The following NSD3 variants were observed in gnomAD, a reference collection of about 807,000 sequenced individuals.
NSD3 encodes the protein histone-lysine N-methyltransferase NSD3.
A neutral mutation model predicts 160.8 loss-of-function variants in NSD3; 24 were observed. The observed-to-expected ratio is 0.15, with a 90% CI of 0.11 to 0.21. The LOEUF (loss-of-function observed/expected upper bound fraction) is 0.21, where lower values mean the gene tolerates loss of function less well. Ranked by LOEUF, NSD3 falls within the 10% of genes least tolerant of loss-of-function variation. The pLI is 1.00. For missense variants in NSD3, 1,157 were observed against 1,735.9 expected (o/e 0.67, Z 5.93); for synonymous variants, 520 against 600.0 (o/e 0.87, Z 1.95).
At chr8:38,328,531 C>T (rs2150374968) in intron 6 of NSD3, among the ~76,000 whole-genome samples, 1 of 152,284 alleles carries the variant, frequency 6.6e-6, no homozygotes, top group South Asian at 2.1e-4. Context: ...GCACCCTTGA[C>T]ATTTCTCTAG....
In NSD3 at chr8:38,323,131, T is replaced by C. The variant is rs536590405; in HGVS notation, c.1709-1959A>G. On this transcript the variant is annotated intron_variant, in intron 7 of 23. Transcript: ENST00000317025. Reference sequence around the variant, plus strand: ...GTGCAATGGCGCGATCTTGGCTCACTGCAACCTCCGCCTCCAGGGTTCAAG... The same window carrying C: ...GTGCAATGGCGCGATCTTGGCTCACCGCAACCTCCGCCTCCAGGGTTCAAG... Among the ~76,000 whole-genome samples the C allele has an allele frequency of 7.5e-4, 114 of 152,324 alleles. 1 individual carries two copies. The highest frequency in any genetic ancestry group is 2.7e-3 in the African/African-American group (114 of 41,578).
intron 1 of NSD3, among the ~76,000 whole-genome samples, chr8:38,357,293 T>C (rs932909758): frequency 2.0e-5 from 3 of 152,106 alleles, no homozygotes; most frequent in Non-Finnish European, 4.4e-5. Context: ...AACACTCTAT[T>C]GATTAAAATC....
At chr8:38,333,663 C>T (rs920580294) in intron 4 of NSD3, among the ~76,000 whole-genome samples, 5 of 151,198 alleles carry the variant, frequency 3.3e-5, no homozygotes, top group South Asian at 2.1e-4. Context: ...GTCAGGAGAT[C>T]GAGACCATCC....
At chr8:38,371,150 C>T (rs1235410704) in intron 1 of NSD3, among the ~76,000 whole-genome samples, 3 of 151,352 alleles carry the variant, frequency 2.0e-5, no homozygotes, top group Non-Finnish European at 4.4e-5. Context: ...ATGCACAATT[C>T]CAACTATGTA....
Position 38,329,374 on chromosome 8 carries a change from G to T in NSD3, c.1581+4C>A, listed in dbSNP as rs1050740667. The T allele has an allele frequency of 1.9e-6, 3 of 1,602,832 alleles. No individual in the cohort carries two copies. The highest frequency in any genetic ancestry group is 2.7e-5 in the African/African-American group (2 of 74,504). ...CCAAAAAACTCCACGAAAAAAGGAG[G>T]TACCTTTGTTGAATAAACAAATTGA... On this transcript the variant is annotated splice_donor_region_variant and intron_variant, in intron 6 of 23. Transcript: ENST00000317025. The surrounding 1 kb of genome is among the most constrained non-coding windows in gnomAD (Gnocchi z 4.8).
chr8:38,376,984 ATACT>A (rs1402214746), intron 1 of NSD3, among the ~76,000 whole-genome samples: 2 of 152,198 alleles, frequency 1.3e-5, no homozygotes, highest in Non-Finnish European at 2.9e-5. Context: ...AAACAATGAA[ATACT>A]TACAAGACTC....
chr8:38,324,814 A>C (rs756285079), intron 7 of NSD3, among the ~76,000 whole-genome samples: 11 of 152,132 alleles, frequency 7.2e-5, no homozygotes, highest in Non-Finnish European at 1.6e-4. Flanking sequence ...TTAATAATTG[A>C]TCATGCCTAC....
chr8:38,320,848 G>C (rs1809782561), intron 8 of NSD3: 1 of 382,174 alleles, frequency 2.6e-6, no homozygotes, highest in Admixed American at 4.5e-5. Context: ...TGCACCACTG[G>C]CTTCCCATCT....
At chr8:38,278,503 A>G in intron 21 of NSD3, 91 bp from the exon 22 acceptor site, 2 of 1,107,208 alleles carry the variant, frequency 1.8e-6, no homozygotes, top group Non-Finnish European at 2.5e-6. Context: ...AAAAAGAGAC[A>G]TCATTTTGGC....
rs1810580564 is a variant in NSD3 at position 38,348,115 on chromosome 8, T to C, written c.57A>G (p.Pro19=). The C allele has an allele frequency of 6.2e-7, 1 of 1,612,866 alleles. No homozygotes were observed. Among genetic ancestry groups the C allele is most frequent in the South Asian group, 1.1e-5 (1 of 90,876 alleles). Residue 19 remains proline, a synonymous_variant, in exon 2 of 24, where the codon CCA becomes CCG. Transcript: ENST00000317025. The part of the protein sequence containing the change: ...QGIMGNTIQQ[P]PQLIDSANIR... The stretch of plus-strand genomic sequence containing the variant: ...TGTTGGCGGAGTCAATGAGTTGAGG[T>C]GGTTGCTGAATTGTGTTTCCCATGA...
At chr8:38,284,165 A>C (rs916015798) in intron 19 of NSD3, among the ~76,000 whole-genome samples, 3 of 152,082 alleles carry the variant, frequency 2.0e-5, no homozygotes, top group African/African-American at 7.2e-5. Context: ...AATTTCCTTC[A>C]CTTTTTCCTT....
intron 16 of NSD3, among the ~76,000 whole-genome samples, chr8:38,293,473 C>A (rs1169932379): frequency 6.6e-6 from 1 of 151,318 alleles, no homozygotes; most frequent in African/African-American, 2.4e-5. Context: ...TTGCTTGAAT[C>A]CAGCAGGCAG....
rs1229193846 is a variant in NSD3, at chr8:38,299,456, T to C, written c.2746A>G (p.Lys916Glu). The C allele has an allele frequency of 3.7e-6, 6 of 1,609,956 alleles. No homozygotes were observed. The highest frequency in any genetic ancestry group is 5.1e-6 in the Non-Finnish European group (6 of 1,179,012). The change falls in exon 15 of 24, where the codon AAA becomes GAA. Residue 916 changes from lysine to glutamate, a missense_variant. By Grantham distance (56) the Lys-to-Glu change is moderately conservative. Around this residue, in one of 10 missense-constraint regions of NSD3, gnomAD observed 437 missense variants for 576.6 expected, o/e 0.76. Transcript: ENST00000317025. ...TTTTGATTATTACCTTTCTCACATT[T>C]CTTTTTGGAAGCTGACGAAGAAGGA... ...MIPSSSASKK[K>E]CEKGGRLLCC...
At chr8:38,281,405 A>G (rs1808729495) in intron 20 of NSD3, 62 bp downstream of exon 20, 1 of 865,678 alleles carries the variant, frequency 1.2e-6, no homozygotes, top group South Asian at 2.4e-5. Flanking sequence ...GTTCAAATTA[A>G]GACTATGAAA....
At chr8:38,292,758 C>T (rs950423825) in intron 16 of NSD3, among the ~76,000 whole-genome samples, 1 of 152,118 alleles carries the variant, frequency 6.6e-6, no homozygotes, top group African/African-American at 2.4e-5. Flanking sequence ...CACTGTACTC[C>T]AGCCTGGGCA....
Position 38,329,180 on chromosome 8 carries a change from C to T in NSD3, c.1581+198G>A, listed in dbSNP as rs2150375232. Among the ~76,000 whole-genome samples the T allele has an allele frequency of 6.6e-6, 1 of 152,180 alleles. No individual in the cohort carries two copies. The highest frequency in any genetic ancestry group is 2.1e-4 in the South Asian group (1 of 4,820). ...TAATCTACTACAGATGGGAAAATCACAAAAGAAGGGGATAAAAAAGAAGAA... is the reference window on the plus strand; with the variant it reads ...TAATCTACTACAGATGGGAAAATCATAAAAGAAGGGGATAAAAAAGAAGAA... On this transcript the variant is annotated intron_variant, in intron 6 of 23. Transcript: ENST00000317025. The surrounding 1 kb of genome is among the most constrained non-coding windows in gnomAD (Gnocchi z 4.8).
intron 1 of NSD3, among the ~76,000 whole-genome samples, chr8:38,362,060 A>C (rs1810980402): frequency 6.6e-6 from 1 of 151,990 alleles, no homozygotes; most frequent in Non-Finnish European, 1.5e-5. Flanking sequence ...TGCAAAACCA[A>C]ATTATAAGTA....
At chr8:38,331,687 T>TA (rs1810064634) in intron 4 of NSD3, 102 bp from the exon 5 acceptor site, 1 of 1,187,944 alleles carries the variant, frequency 8.4e-7, no homozygotes, top group Admixed American at 2.4e-5. Flanking sequence ...TTACTCCCAC[T>TA]AAAACTTGTA....
intron 1 of NSD3, among the ~76,000 whole-genome samples, chr8:38,369,850 A>G (rs1445340346): frequency 2.0e-5 from 3 of 152,056 alleles, no homozygotes; most frequent in Non-Finnish European, 4.4e-5. Context: ...GCTGGAGTGC[A>G]GTGGCACGAT....
Sources: allele counts gnomAD v4.1 joint callset (sites outside exome capture counted in the v4.1 genomes callset), GRCh38; gene constraint gnomAD v4.1.1; regional missense constraint gnomAD v4.1.1; non-coding constraint Gnocchi (gnomAD v3.1); transcripts MANE v1.5; gene names NCBI Gene and HGNC (gene_info 2026-07-23, HGNC 2026-07-21).